Variants in HCRTR2 observed in about 807,000 individuals in gnomAD.
The protein encoded by HCRTR2 is hypocretin receptor 2.
In HCRTR2, 22 loss-of-function variants were observed where a neutral mutation model predicts 49.0. That is an observed-to-expected ratio of 0.45 (90% CI 0.32 to 0.64). The LOEUF is 0.64. HCRTR2 is among the 30% of genes least tolerant of loss of function. The probability of loss-of-function intolerance (pLI) is 0.04; values close to 1 mark genes in which losing one functional copy is unlikely to be tolerated. For synonymous variants in HCRTR2, 236 were observed against 205.3 expected, an observed-to-expected ratio of 1.15 and a Z score of -1.28; for missense variants, 491 against 559.4, an observed-to-expected ratio of 0.88 and a Z score of 1.23.
intron 1 of HCRTR2, among the ~76,000 whole-genome samples, chr6:55,137,624 T>C (rs1764450347): frequency 6.6e-6 from 1 of 152,068 alleles, no homozygotes; most frequent in African/African-American, 2.4e-5. Flanking sequence ...AATTTATATC[T>C]TGGAAATCCA....
chr6:55,228,385 T>C (rs1389810662), intron 1 of HCRTR2, among the ~76,000 whole-genome samples: 1 of 152,208 alleles, frequency 6.6e-6, no homozygotes, highest in Non-Finnish European at 1.5e-5. Flanking sequence ...TTGAATACCT[T>C]AAAGCTGAAA....
chr6:55,152,623 G>T (rs1173038402), intron 1 of HCRTR2, among the ~76,000 whole-genome samples: 1 of 151,914 alleles, frequency 6.6e-6, no homozygotes, highest in African/African-American at 2.4e-5. Flanking sequence ...ATGCCAATAT[G>T]GTAGGTTTGG....
chr6:55,203,978 T>C (rs1581827382), intron 1 of HCRTR2, among the ~76,000 whole-genome samples: 1 of 152,286 alleles, frequency 6.6e-6, no homozygotes, highest in South Asian at 2.1e-4. Flanking sequence ...TTTTGCTGAA[T>C]TGAAAATTGT....
At chr6:55,236,950 G>T (rs531758179) in intron 1 of HCRTR2, among the ~76,000 whole-genome samples, 3 of 152,082 alleles carry the variant, frequency 2.0e-5, no homozygotes, top group Non-Finnish European at 4.4e-5. Context: ...TCCAATCACA[G>T]GTATAATAGA....
At chr6:55,248,494 C>T in intron 1 of HCRTR2, 145 bp from the exon 2 acceptor site, 1 of 701,830 alleles carries the variant, frequency 1.4e-6, no homozygotes, top group Non-Finnish European at 2.6e-6. Flanking sequence ...CACAGATTGA[C>T]AGATTCAGTG....
chr6:55,186,326 A>C (rs1270025401), intron 1 of HCRTR2, among the ~76,000 whole-genome samples: 1 of 152,194 alleles, frequency 6.6e-6, no homozygotes, highest in Non-Finnish European at 1.5e-5. Context: ...AATATTTAAA[A>C]TAAAGCTTCA....
At chr6:55,152,121 C>G (rs1764671772) in intron 1 of HCRTR2, among the ~76,000 whole-genome samples, 3 of 151,934 alleles carry the variant, frequency 2.0e-5, no homozygotes, top group African/African-American at 7.2e-5. Context: ...TAACCAAGTT[C>G]TATTTTTAAT....
chr6:55,166,540 A>C (rs990037367), intron 1 of HCRTR2, among the ~76,000 whole-genome samples: 47 of 152,128 alleles, frequency 3.1e-4, no homozygotes, highest in African/African-American at 1.0e-3. Flanking sequence ...TATAATTTAC[A>C]AAGTGGAAAA....
intron 1 of HCRTR2, among the ~76,000 whole-genome samples, chr6:55,123,037 A>T (rs1231084023): frequency 6.6e-6 from 1 of 151,954 alleles, no homozygotes; most frequent in East Asian, 1.9e-4. Flanking sequence ...TAATGAGTGC[A>T]GCACACCAAC....
intron 1 of HCRTR2, among the ~76,000 whole-genome samples, chr6:55,140,976 C>A (rs1764498211): frequency 6.6e-6 from 1 of 152,090 alleles, no homozygotes; most frequent in Admixed American, 6.6e-5. Context: ...AGCCCTTCAA[C>A]AAGTGCTTAT....
chr6:55,275,073 T>C (rs1258053086), intron 4 of HCRTR2, among the ~76,000 whole-genome samples: 1 of 152,184 alleles, frequency 6.6e-6, no homozygotes, highest in Non-Finnish European at 1.5e-5. Flanking sequence ...TGTTTATTCA[T>C]AATGTTTTTA....
At chr6:55,247,883 T>C (rs1766476127) in intron 1 of HCRTR2, among the ~76,000 whole-genome samples, 1 of 152,138 alleles carries the variant, frequency 6.6e-6, no homozygotes, top group African/African-American at 2.4e-5. Context: ...AACTTATATG[T>C]ACTTTATTAC....
At chr6:55,166,858 A>G (rs1764884712) in intron 1 of HCRTR2, among the ~76,000 whole-genome samples, 1 of 152,196 alleles carries the variant, frequency 6.6e-6, no homozygotes, top group African/African-American at 2.4e-5. Context: ...ATTAAATACT[A>G]TTCAGCCACA....
intron 1 of HCRTR2, among the ~76,000 whole-genome samples, chr6:55,119,471 A>G (rs1028855507): frequency 6.6e-6 from 1 of 152,056 alleles, no homozygotes; most frequent in Non-Finnish European, 1.5e-5. Context: ...AATGATTGCC[A>G]TTCTAACTGG....
chr6:55,185,154 T>C (rs1253316615), intron 1 of HCRTR2, among the ~76,000 whole-genome samples: 1 of 152,224 alleles, frequency 6.6e-6, no homozygotes, highest in South Asian at 2.1e-4. Context: ...TATAATACTT[T>C]ATACAAAAGT....
In HCRTR2 at chr6:55,254,265, C is replaced by A. The variant is rs111290487; in HGVS notation, c.403-871C>A. Among the ~76,000 whole-genome samples, 383 of 151,964 alleles carry A rather than the reference C, an allele frequency of 2.5e-3. 2 individuals carry two copies. Among genetic ancestry groups the A allele is most frequent in the African/African-American group, 8.7e-3 (361 of 41,454 alleles). ...AAAAAATGTAAAAGAAATCAGAAGT[C>A]TTTTTAAAGGGAGAGGGGATTCTGA... On this transcript the variant is annotated intron_variant, in intron 2 of 6. Coordinates refer to ENST00000370862, the MANE Select transcript of HCRTR2 (RefSeq NM_001384272.1).
intron 1 of HCRTR2, among the ~76,000 whole-genome samples, chr6:55,121,505 C>T (rs551521513): frequency 5.5e-4 from 83 of 150,540 alleles, no homozygotes; most frequent in Admixed American, 3.4e-3. Context: ...GAACTTCCAA[C>T]ACTATGTTGA....
At chr6:55,263,949 A>G (rs780103799) in intron 4 of HCRTR2, 127 bp downstream of exon 4, 5 of 697,170 alleles carry the variant, frequency 7.2e-6, no homozygotes, top group South Asian at 3.1e-5. Flanking sequence ...TTAAGAATGC[A>G]TTGAACCAAT....
chr6:55,182,478 G>C (rs952075595), intron 1 of HCRTR2, among the ~76,000 whole-genome samples: 1 of 152,322 alleles, frequency 6.6e-6, no homozygotes, highest in East Asian at 1.9e-4. Context: ...AAAATCTCCA[G>C]CCAGCAGCCA....
Sources: allele counts gnomAD v4.1 joint callset (sites outside exome capture counted in the v4.1 genomes callset), GRCh38; gene constraint gnomAD v4.1.1; transcripts MANE v1.5; gene names NCBI Gene and HGNC (gene_info 2026-07-23, HGNC 2026-07-21).